Variants in RANBP9 observed in about 807,000 individuals in gnomAD.
RANBP9 encodes the protein ran-binding protein 9.
RANBP9 carries 15 observed loss-of-function variants against 84.3 expected under a neutral mutation model. The observed-to-expected ratio is 0.18, with a 90% CI of 0.12 to 0.27. The LOEUF (loss-of-function observed/expected upper bound fraction) is 0.27. Ranked by LOEUF, RANBP9 falls within the 10% of genes least tolerant of loss-of-function variation. RANBP9 has a pLI of 1.00. For missense variants in RANBP9, 809 were observed against 912.8 expected, an observed-to-expected ratio of 0.89 and a Z score of 1.46; for synonymous variants, 392 against 349.6, an observed-to-expected ratio of 1.12 and a Z score of -1.35.
At chr6:13,639,399 C>T (rs922475110) in intron 9 of RANBP9, among the ~76,000 whole-genome samples, 164 bp downstream of exon 9, 28 of 152,082 alleles carry the variant, frequency 1.8e-4, no homozygotes, top group African/African-American at 6.0e-4. Context: ...AGGCTGGTCT[C>T]GAACTCCTGA....
intron 2 of RANBP9, among the ~76,000 whole-genome samples, chr6:13,666,562 G>C (rs978103690): frequency 7.9e-6 from 1 of 126,732 alleles, no homozygotes; most frequent in Non-Finnish European, 1.6e-5. Context: ...AAGCGCTTGA[G>C]TCCAGGAGTT....
chr6:13,698,187 C>T (rs909841708), intron 1 of RANBP9, among the ~76,000 whole-genome samples: 33 of 152,186 alleles, frequency 2.2e-4, no homozygotes, highest in Non-Finnish European at 8.8e-5. Flanking sequence ...TTCTGCCACT[C>T]CTTCCATTAC....
chr6:13,639,532 T>G, intron 9 of RANBP9, 31 bp downstream of exon 9: 1 of 1,556,766 alleles, frequency 6.4e-7, no homozygotes, highest in Non-Finnish European at 8.8e-7. Flanking sequence ...AGAGGAAAAA[T>G]CTAAAAATAA....
intron 2 of RANBP9, among the ~76,000 whole-genome samples, chr6:13,674,582 T>C (rs1236216266): frequency 1.3e-5 from 2 of 152,202 alleles, no homozygotes; most frequent in Non-Finnish European, 2.9e-5. Flanking sequence ...ACTGTGTCTG[T>C]TGCCCAGAAG....
In RANBP9 at chr6:13,634,459, G is replaced by A. The variant is rs764805652; in HGVS notation, c.1767C>T (p.His589=). Residue 589 remains histidine (H), a synonymous_variant, in exon 11 of 14, where the codon CAC becomes CAT. Transcript: ENST00000011619. Reference sequence around the variant, plus strand: ...TTTCGGTGTCACAATCTTCCATTTCGTGGTCATGTTTAGAGCTACCATTTA... The same window carrying A: ...TTTCGGTGTCACAATCTTCCATTTCATGGTCATGTTTAGAGCTACCATTTA... ...GFLNGSSKHD[H]EMEDCDTEME... 21 of 1,613,146 alleles carry A rather than the reference G, an allele frequency of 1.3e-5. No homozygotes were observed. Among genetic ancestry groups the A allele is most frequent in the Admixed American group, 6.7e-5 (4 of 59,982 alleles).
In RANBP9 at chr6:13,699,789, G is replaced by A. The variant is rs1757922323; in HGVS notation, c.572-2893C>T. ...AGGCACAAGAATCGCTTGAACTTGGGAGGCAGAAGTTGCAAGGGCCTGACA... is the reference window on the plus strand; with the variant it reads ...AGGCACAAGAATCGCTTGAACTTGGAAGGCAGAAGTTGCAAGGGCCTGACA... On this transcript the variant is annotated intron_variant, in intron 1 of 13. Transcript: ENST00000011619. Among the ~76,000 whole-genome samples, 3 of 152,142 alleles carry A rather than the reference G, an allele frequency of 2.0e-5. 1 individual carries two copies. The South Asian group carries it at 6.2e-4, about 32-fold the overall frequency.
intron 1 of RANBP9, among the ~76,000 whole-genome samples, chr6:13,704,148 T>G (rs1290809201): frequency 6.6e-6 from 1 of 152,216 alleles, no homozygotes; most frequent in African/African-American, 2.4e-5. Context: ...TCTAACATGG[T>G]CTACTGCAAT....
intron 3 of RANBP9, 45 bp downstream of exon 3, chr6:13,658,735 G>A (rs564362450): frequency 7.0e-7 from 1 of 1,423,302 alleles, no homozygotes; most frequent in South Asian, 1.2e-5. Flanking sequence ...TAACCAGAAA[G>A]AGCTACTCAT....
intron 1 of RANBP9, among the ~76,000 whole-genome samples, chr6:13,706,764 G>A (rs910209626): frequency 1.3e-5 from 2 of 151,724 alleles, no homozygotes; most frequent in Non-Finnish European, 2.9e-5. Context: ...CATTTTGGGA[G>A]GCCGAGGCGG....
rs779495095 is a variant in RANBP9 at position 13,651,423 on chromosome 6, CT to C, written c.927+1235del. Among the ~76,000 whole-genome samples, 178 of 150,984 alleles carry C rather than the reference CT, an allele frequency of 1.2e-3. 2 individuals carry two copies. In the Middle Eastern group the frequency reaches 0.021, roughly 17 times the overall value. ...TTTTGTTTTTTTTTTGAGACAGAGG[CT>C]TGCTCTGTCACCCAGGCTGGAGTGC... On this transcript the variant is annotated intron_variant, in intron 5 of 13. Coordinates refer to ENST00000011619, the MANE Select transcript of RANBP9 (RefSeq NM_005493.3).
intron 2 of RANBP9, among the ~76,000 whole-genome samples, chr6:13,671,407 A>T (rs1765775233): frequency 6.6e-6 from 1 of 152,266 alleles, no homozygotes; most frequent in South Asian, 2.1e-4. Flanking sequence ...CAATGGATAA[A>T]CAAAATGTGA....
At chr6:13,698,980 C>G (rs1757904680) in intron 1 of RANBP9, among the ~76,000 whole-genome samples, 1 of 152,096 alleles carries the variant, frequency 6.6e-6, no homozygotes, top group African/African-American at 2.4e-5. Context: ...GAGAAAGAAA[C>G]CAATATTTGA....
chr6:13,693,132 G>C (rs1006855888), intron 2 of RANBP9, among the ~76,000 whole-genome samples: 1 of 152,104 alleles, frequency 6.6e-6, no homozygotes, highest in Non-Finnish European at 1.5e-5. Context: ...CATAAGAAAG[G>C]TACTCCTAAA....
intron 12 of RANBP9, among the ~76,000 whole-genome samples, chr6:13,630,394 CAA>C (rs1469633782): frequency 6.6e-6 from 1 of 151,816 alleles, no homozygotes; most frequent in African/African-American, 2.4e-5. Context: ...GAATCAAACA[CAA>C]AGTAAGCTAA....
At chr6:13,664,990 G>T (rs764794637) in intron 2 of RANBP9, among the ~76,000 whole-genome samples, 1 of 152,096 alleles carries the variant, frequency 6.6e-6, no homozygotes, top group Non-Finnish European at 1.5e-5. Context: ...TTTTACAAAA[G>T]TGCCTAGACA....
At position 13,662,088 on chromosome 6, in the gene RANBP9, G is replaced by C. The variant is rs1031406767; in HGVS notation, c.684-3256C>G. Among the ~76,000 whole-genome samples the C allele has an allele frequency of 1.8e-4, 27 of 152,066 alleles. No homozygotes were observed. In the East Asian group the frequency reaches 3.1e-3, roughly 17 times the overall value. Reference sequence around the variant, plus strand: ...ATCTGACGACATACTTTAGCAGCAGGGAGACAAGTGAAAATAGAAGAAAAG... The same window carrying C: ...ATCTGACGACATACTTTAGCAGCAGCGAGACAAGTGAAAATAGAAGAAAAG... On this transcript the variant is annotated intron_variant, in intron 2 of 13. Transcript: ENST00000011619.
At position 13,670,801 on chromosome 6, in the gene RANBP9, GAAAAAAA is replaced by G. The variant is rs796204005; in HGVS notation, c.684-11976_684-11970del. On this transcript the variant is annotated intron_variant, in intron 2 of 13. Transcript: ENST00000011619. Reference sequence around the variant, plus strand: ...GGAGACAGAGCAAAATTCCATCTTAGAAAAAAAAAAAAAAAAAAAAGTAGACAAACTA... The same window carrying G: ...GGAGACAGAGCAAAATTCCATCTTAGAAAAAAAAAAAAAGTAGACAAACTA... Among the ~76,000 whole-genome samples the G allele has an allele frequency of 9.3e-4, 53 of 56,770 alleles. 1 individual carries two copies. Among genetic ancestry groups the G allele is most frequent in the Middle Eastern group, 9.3e-3 (1 of 108 alleles). 37.2% of individuals were successfully genotyped at this position (56,770 alleles called of 152,430 possible).
At chr6:13,682,242 C>G (rs750958175) in intron 2 of RANBP9, among the ~76,000 whole-genome samples, 41 of 151,974 alleles carry the variant, frequency 2.7e-4, no homozygotes, top group Non-Finnish European at 5.1e-4. Context: ...AAATCAGTCC[C>G]TAAGAATGGA....
intron 2 of RANBP9, among the ~76,000 whole-genome samples, chr6:13,669,652 A>G (rs1357444570): frequency 2.0e-5 from 3 of 152,190 alleles, no homozygotes; most frequent in Non-Finnish European, 2.9e-5. Flanking sequence ...GTGCAGTGGC[A>G]TGACCACAGC....
Sources: allele counts gnomAD v4.1 joint callset (sites outside exome capture counted in the v4.1 genomes callset), GRCh38; gene constraint gnomAD v4.1.1; transcripts MANE v1.5; gene names NCBI Gene and HGNC (gene_info 2026-07-23, HGNC 2026-07-21).